The following SORCS2 variants were observed in gnomAD, a reference collection of about 807,000 sequenced individuals.
SORCS2 encodes the protein VPS10 domain-containing receptor SorCS2.
In SORCS2, 100 loss-of-function variants were observed where a neutral mutation model predicts 141.6. The ratio of observed to expected loss-of-function variants is 0.71; its 90% CI spans 0.60 to 0.83. The LOEUF (loss-of-function observed/expected upper bound fraction) is 0.83, where lower values mean the gene tolerates loss of function less well. Among genes scored for constraint, SORCS2 ranks in the 40% least tolerant of loss-of-function variants. The pLI is 0.00. For missense variants in SORCS2, 1,646 were observed against 1,560.2 expected, an observed-to-expected ratio of 1.05 and a Z score of -0.93; for synonymous variants, 789 against 676.9, an observed-to-expected ratio of 1.17 and a Z score of -2.57.
chr4:7,570,463 G>A (rs574370913), intron 3 of SORCS2, among the ~76,000 whole-genome samples: 138 of 152,376 alleles, frequency 9.1e-4, no homozygotes, highest in Non-Finnish European at 1.6e-3. Flanking sequence ...CAGGCTGGAG[G>A]CGCCCCCAGC....
chr4:7,726,751 G>A (rs757809118), intron 20 of SORCS2, 29 bp from the exon 21 acceptor site: 1 of 1,607,926 alleles, frequency 6.2e-7, no homozygotes, highest in Non-Finnish European at 8.5e-7. Context: ...CACTCGGCCA[G>A]GCCCCTAAGC....
intron 2 of SORCS2, chr4:7,432,414 A>G (rs1726932241): frequency 6.6e-6 from 1 of 152,052 alleles, no homozygotes; most frequent in Non-Finnish European, 1.5e-5. Context: ...TTGTCTCAAC[A>G]TTCTTGTGAG....
chr4:7,545,639 G>A (rs1191456771), intron 3 of SORCS2, among the ~76,000 whole-genome samples: 2 of 152,158 alleles, frequency 1.3e-5, no homozygotes, highest in Non-Finnish European at 2.9e-5. Context: ...TTGGACCCAC[G>A]ACTCTCTGAG....
At chr4:7,424,008 C>T (rs1162602308) in intron 2 of SORCS2, among the ~76,000 whole-genome samples, 2 of 152,174 alleles carry the variant, frequency 1.3e-5, no homozygotes, top group Non-Finnish European at 1.5e-5. Context: ...CAGGGCGCTC[C>T]GTGTCCTGGC....
At chr4:7,599,717 G>T (rs1717527777) in intron 3 of SORCS2, among the ~76,000 whole-genome samples, 1 of 152,172 alleles carries the variant, frequency 6.6e-6, no homozygotes, top group South Asian at 2.1e-4. Context: ...ATGACGAGGG[G>T]CTGTGAGAGG....
rs554157360 is a variant in SORCS2, at chr4:7,699,984, A to G, written c.1668+2710A>G. Among the ~76,000 whole-genome samples, 30 of 152,232 alleles carry G rather than the reference A, an allele frequency of 2.0e-4. 1 individual carries two copies. Among genetic ancestry groups the G allele is most frequent in the East Asian group, 1.8e-3 (9 of 5,138 alleles). On this transcript the variant is annotated intron_variant, in intron 12 of 26. Transcript: ENST00000507866. ...GGGAATGTGCTCTTGTGACTCCCCA[A>G]TCAAGCCTTAGGTGTCACACCGGCC...
At chr4:7,527,761 G>A (rs1247266305) in intron 2 of SORCS2, among the ~76,000 whole-genome samples, 1 of 152,172 alleles carries the variant, frequency 6.6e-6, no homozygotes, top group Admixed American at 6.5e-5. Context: ...CATGCCAGGT[G>A]CTCCTTATGC....
intron 1 of SORCS2, among the ~76,000 whole-genome samples, chr4:7,329,528 A>G (rs1385554231): frequency 6.6e-6 from 1 of 152,200 alleles, no homozygotes; most frequent in Non-Finnish European, 1.5e-5. Flanking sequence ...CAGGTAGCTC[A>G]GTCTGGGGGA....
Position 7,663,212 on chromosome 4 carries a change from GTGAA to G in SORCS2, c.953-1137_953-1134del, listed in dbSNP as rs1463060175. Among the ~76,000 whole-genome samples, 3 of 152,034 alleles carry G rather than the reference GTGAA, an allele frequency of 2.0e-5. No homozygotes were observed. The highest frequency in any genetic ancestry group is 3.9e-4 in the East Asian group (2 of 5,184). ...GAGTGAGTGAAGAGTGAATGAGTGA[GTGAA>G]TGAGTGAGTGAAGAGTGAATAAGTG... On this transcript the variant is annotated intron_variant, in intron 6 of 26. Transcript: ENST00000507866. The surrounding 1 kb of genome is among the most constrained non-coding windows in gnomAD (Gnocchi z 4.8).
At chr4:7,627,289 C>T (rs576799647) in intron 3 of SORCS2, among the ~76,000 whole-genome samples, 3 of 152,208 alleles carry the variant, frequency 2.0e-5, no homozygotes, top group Admixed American at 6.5e-5. Flanking sequence ...CCAGCCTTTT[C>T]GTGGGTTTTT....
intron 3 of SORCS2, among the ~76,000 whole-genome samples, chr4:7,613,548 A>G (rs1021330787): frequency 2.0e-5 from 3 of 152,180 alleles, no homozygotes; most frequent in African/African-American, 7.2e-5. Context: ...CTCCAAAGTT[A>G]GCCTTGGAGA....
intron 3 of SORCS2, 139 bp downstream of exon 3, chr4:7,531,768 C>T: frequency 3.7e-6 from 3 of 800,588 alleles, no homozygotes; most frequent in Middle Eastern, 2.5e-4. Context: ...CCTCCCAGCT[C>T]TCACTGCCAC....
intron 1 of SORCS2, among the ~76,000 whole-genome samples, chr4:7,319,178 A>ATT (rs34043010): frequency 0.016 from 2,371 of 151,314 alleles, 50 homozygotes; most frequent in African/African-American, 0.054. Context: ...AATGAGGTGT[A>ATT]TTTTTTTTTA....
At chr4:7,666,578 C>T (rs1359360908) in intron 7 of SORCS2, among the ~76,000 whole-genome samples, 1 of 152,160 alleles carries the variant, frequency 6.6e-6, no homozygotes, top group Non-Finnish European at 1.5e-5. Context: ...CAGGAAGCTG[C>T]ACCTCCTGTT....
chr4:7,365,434 G>A (rs1023628615), intron 1 of SORCS2, among the ~76,000 whole-genome samples: 2 of 152,160 alleles, frequency 1.3e-5, no homozygotes, highest in African/African-American at 4.8e-5. Context: ...AGGCTGAGAT[G>A]GGGAGCTGGG....
In SORCS2 at chr4:7,359,896, G is replaced by A. The variant is rs950815141; in HGVS notation, c.481-36392G>A. ...AGTGGCCCAGGGACAAGTGAGGAGG[G>A]CAGCCTGGGGCAAGGGAGGGTTTGC... On this transcript the variant is annotated intron_variant, in intron 1 of 26. Coordinates refer to ENST00000507866, the MANE Select transcript of SORCS2 (RefSeq NM_020777.3). Among the ~76,000 whole-genome samples the A allele has an allele frequency of 3.9e-5, 6 of 152,298 alleles. 1 individual carries two copies. The highest frequency in any genetic ancestry group is 4.1e-4 in the South Asian group (2 of 4,824).
At chr4:7,254,971 G>T (rs1713751725) in intron 1 of SORCS2, among the ~76,000 whole-genome samples, 1 of 152,152 alleles carries the variant, frequency 6.6e-6, no homozygotes, top group Non-Finnish European at 1.5e-5. Context: ...GGGCAACGGG[G>T]AGAGCATGGG....
chr4:7,366,322 G>T (rs1343574172), intron 1 of SORCS2, among the ~76,000 whole-genome samples: 1 of 151,802 alleles, frequency 6.6e-6, no homozygotes, highest in Non-Finnish European at 1.5e-5. Flanking sequence ...ACCTGGCCTT[G>T]CGGTGAGTGC....
At chr4:7,602,001 T>C (rs1717726907) in intron 3 of SORCS2, among the ~76,000 whole-genome samples, 1 of 152,170 alleles carries the variant, frequency 6.6e-6, no homozygotes. Flanking sequence ...GGCCATAGAT[T>C]AACAGCATCC....
Sources: gnomAD v4.1 joint callset for allele counts (sites outside exome capture counted in the v4.1 genomes callset) on GRCh38, gnomAD v4.1.1 for gene constraint, Gnocchi (gnomAD v3.1) non-coding constraint, MANE v1.5 for transcripts, NCBI Gene and HGNC (gene_info 2026-07-23, HGNC 2026-07-21) for gene names.